The following NRP1 variants were observed in gnomAD, a reference collection of about 807,000 sequenced individuals.
The protein encoded by NRP1 is neuropilin 1.
A neutral mutation model predicts 106.7 loss-of-function variants in NRP1; 35 were observed. The observed-to-expected ratio is 0.33, with a 90% confidence interval of 0.25 to 0.43. The LOEUF (loss-of-function observed/expected upper bound fraction) is 0.43. Among genes scored for constraint, NRP1 ranks in the 20% least tolerant of loss-of-function variants. The pLI is 1.00. For synonymous variants in NRP1, 437 were observed against 417.9 expected (o/e 1.05, Z -0.56); for missense variants, 1,024 against 1,170.4 (o/e 0.87, Z 1.83).
At position 33,270,847 on chromosome 10, in the gene NRP1, G is replaced by A. The variant is rs201588926; in HGVS notation, c.258C>T (p.Tyr86=). ...DLEDRDCKYD[Y]VEVFDGENEN... Reference sequence around the variant, plus strand: ...CATTTTCTCCATCGAAGACTTCCACGTAGTCATACCTAATACACAAACATG... The same window carrying A: ...CATTTTCTCCATCGAAGACTTCCACATAGTCATACCTAATACACAAACATG... The change falls in exon 3 of 17, where the codon TAC becomes TAT. Residue 86 remains tyrosine, a synonymous_variant. Coordinates refer to ENST00000374867, the MANE Select transcript of NRP1 (RefSeq NM_003873.7). The A allele has an allele frequency of 1.0e-4, 166 of 1,609,852 alleles. No individual in the cohort carries two copies. The highest frequency in any genetic ancestry group is 1.3e-4 in the Non-Finnish European group (155 of 1,178,014).
intron 2 of NRP1, among the ~76,000 whole-genome samples, chr10:33,272,258 C>G (rs1843360116): frequency 6.6e-6 from 1 of 152,164 alleles, no homozygotes; most frequent in Non-Finnish European, 1.5e-5. Context: ...TGTGTGCCAG[C>G]TTTGTGTATA....
intron 15 of NRP1, among the ~76,000 whole-genome samples, chr10:33,183,976 A>C (rs1031027024): frequency 6.6e-6 from 1 of 152,038 alleles, no homozygotes. Flanking sequence ...TGTCTCAACT[A>C]TGTGCTTTCT....
intron 7 of NRP1, among the ~76,000 whole-genome samples, chr10:33,222,865 TGCATGCCAG>T (rs1206512510): frequency 6.6e-5 from 10 of 152,220 alleles, no homozygotes; most frequent in African/African-American, 2.4e-4. Flanking sequence ...GCAAATGTAA[TGCATGCCAG>T]GCATGAATGG....
chr10:33,186,128 A>T (rs1344631454), intron 14 of NRP1, 89 bp downstream of exon 14: 2 of 1,460,158 alleles, frequency 1.4e-6, no homozygotes, highest in East Asian at 4.6e-5. Flanking sequence ...TTTCGGAATA[A>T]TTCCCATGTC....
At chr10:33,201,014 ACT>A (rs2132688844) in intron 11 of NRP1, 1 of 152,218 alleles carries the variant, frequency 6.6e-6, no homozygotes, top group East Asian at 1.9e-4. Flanking sequence ...TCTGGGAATA[ACT>A]CTTTTTTTCA....
chr10:33,270,956 A>G, intron 2 of NRP1, 100 bp from the exon 3 acceptor site: 2 of 1,058,106 alleles, frequency 1.9e-6, no homozygotes, highest in Non-Finnish European at 2.6e-6. Flanking sequence ...TGTGCCAGGA[A>G]GAAAAAAAAG....
rs766252120 is a variant in NRP1 at position 33,197,634 on chromosome 10, G to A, written c.1924+16C>T. 6 of 1,586,938 alleles carry A rather than the reference G, an allele frequency of 3.8e-6. No homozygotes were observed. The highest frequency in any genetic ancestry group is 4.3e-6 in the Non-Finnish European group (5 of 1,164,380). On this transcript the variant is annotated intron_variant, in intron 12 of 16. Transcript: ENST00000374867. ...AGGTACATGGAATCTGTCACATTTC[G>A]TATTTTATTTGATACCTGATTGTAT...
chr10:33,296,875 A>T (rs1845425627), intron 2 of NRP1, among the ~76,000 whole-genome samples: 1 of 152,094 alleles, frequency 6.6e-6, no homozygotes, highest in African/African-American at 2.4e-5. Context: ...CTAAAAATAC[A>T]AAAATTAGCC....
At chr10:33,240,262 TAGG>T in intron 6 of NRP1, among the ~76,000 whole-genome samples, 1 of 152,312 alleles carries the variant, frequency 6.6e-6, no homozygotes, top group African/African-American at 2.4e-5. Context: ...CCTAAAAGAC[TAGG>T]AAAGTATTAA....
At chr10:33,323,574 T>C (rs1847679810) in intron 2 of NRP1, among the ~76,000 whole-genome samples, 1 of 152,040 alleles carries the variant, frequency 6.6e-6, no homozygotes, top group Non-Finnish European at 1.5e-5. Context: ...AGATACCAGA[T>C]ACAGGCCAAT....
intron 2 of NRP1, among the ~76,000 whole-genome samples, chr10:33,295,358 G>C (rs1370387688): frequency 6.6e-6 from 1 of 152,188 alleles, no homozygotes; most frequent in Non-Finnish European, 1.5e-5. Flanking sequence ...ATAAGCAACA[G>C]TTCATTCGTG....
rs762780832 is a variant in NRP1 at position 33,330,738 on chromosome 10, G to A, written c.218C>T (p.Pro73Leu). Residue 73 changes from proline (P) to leucine (L), a missense_variant, in exon 2 of 17, where the codon CCT (proline) becomes CTT (leucine). By Grantham distance (98) the Pro-to-Leu change is moderately conservative (BLOSUM62 -3). This residue lies in a region of NRP1 where 279 missense variants were observed against 327.4 expected (regional missense o/e 0.85). Coordinates refer to ENST00000374867, the MANE Select transcript of NRP1 (RefSeq NM_003873.7). ...PYQRIMINFN[P>L]HFDLEDRDCK... ...GTCTCTGTCCTCCAAATCGAAGTGAGGGTTGAAGTTGATCATAATTCTCTG... is the reference window on the plus strand; with the variant it reads ...GTCTCTGTCCTCCAAATCGAAGTGAAGGTTGAAGTTGATCATAATTCTCTG... 6.2e-7 allele frequency: 1 copy of A among 1,613,424 alleles called. No homozygotes were observed. The highest frequency in any genetic ancestry group is 1.1e-5 in the South Asian group (1 of 90,958).
chr10:33,193,383 C>A (rs560319146), intron 12 of NRP1, among the ~76,000 whole-genome samples: 20 of 152,286 alleles, frequency 1.3e-4, no homozygotes, highest in African/African-American at 3.6e-4. Flanking sequence ...CATAAGCTAA[C>A]AATAAAAAAA....
In NRP1 at chr10:33,255,927, C is replaced by T. The variant is rs539050043; in HGVS notation, c.814+389G>A. On this transcript the variant is annotated intron_variant, in intron 5 of 16. Coordinates refer to ENST00000374867, the MANE Select transcript of NRP1 (RefSeq NM_003873.7). ...GTGCATTTCCCATACTTCGTGACTG[C>T]TCTGTCGGTGAACTACTTTAGATTT... is the stretch of plus-strand genomic sequence containing the variant. Among the ~76,000 whole-genome samples, 8 of 152,302 alleles carry T rather than the reference C, an allele frequency of 5.3e-5. No homozygotes were observed. The South Asian group carries it at 1.7e-3, about 32-fold the overall frequency.
Position 33,334,553 on chromosome 10 carries a change from G to A in NRP1, c.-171C>T, listed in dbSNP as rs1848507056. 7.3e-6 allele frequency: 4 copies of A among 548,518 alleles called. No homozygotes were observed. The highest frequency in any genetic ancestry group is 2.5e-5 in the South Asian group (1 of 40,418). The allele number at this position is 548,518 out of a possible 1,614,324, so 34.0% of individuals were successfully genotyped here. A position where few individuals can be genotyped will look rare whatever the true frequency, so the allele number is the denominator to read the frequency against. ...AGCGAGGCAATGCCTGGATCCGAGA[G>A]GAACGCTTCTCTTTTTGTGTCTCAA... is the stretch of plus-strand genomic sequence containing the variant. On this transcript the variant is annotated 5_prime_UTR_variant, in exon 1 of 17. Transcript: ENST00000374867.
intron 2 of NRP1, among the ~76,000 whole-genome samples, chr10:33,299,708 C>T (rs553960877): frequency 5.9e-5 from 9 of 152,254 alleles, no homozygotes; most frequent in Non-Finnish European, 1.2e-4. Context: ...CTCCCTTGAG[C>T]CCAGGAGTTT....
At position 33,270,957 on chromosome 10, in the gene NRP1, G is replaced by C. The variant is rs549740863; in HGVS notation, c.249-101C>G. 1.8e-5 allele frequency: 18 copies of C among 1,018,354 alleles called. No individual in the cohort carries two copies. The South Asian group carries it at 2.9e-4, about 17-fold the overall frequency. 63.1% of individuals were successfully genotyped at this position (1,018,354 alleles called of 1,614,324 possible). A position where few individuals can be genotyped will look rare whatever the true frequency, so the allele number is the denominator to read the frequency against. ...ATCATCCAGCATAGTGTGCCAGGAAGAAAAAAAAGTTCTATCTGCATTCAT... is the reference window on the plus strand; with the variant it reads ...ATCATCCAGCATAGTGTGCCAGGAACAAAAAAAAGTTCTATCTGCATTCAT... On this transcript the variant is annotated intron_variant, in intron 2 of 16. Transcript: ENST00000374867.
chr10:33,265,943 T>C (rs1047657367), intron 3 of NRP1, among the ~76,000 whole-genome samples: 4 of 152,150 alleles, frequency 2.6e-5, no homozygotes, highest in Non-Finnish European at 5.9e-5. Context: ...AAAATATATA[T>C]ATACATACAT....
intron 1 of NRP1, among the ~76,000 whole-genome samples, chr10:33,333,904 C>T (rs557345772): frequency 1.3e-5 from 2 of 152,246 alleles, no homozygotes; most frequent in East Asian, 3.9e-4. Context: ...CTTAGGGGAG[C>T]AGCAAAGGAA....
Sources: gnomAD v4.1 joint callset for allele counts (sites outside exome capture counted in the v4.1 genomes callset) on GRCh38, gnomAD v4.1.1 for gene constraint, gnomAD v4.1.1 regional missense constraint, MANE v1.5 for transcripts, NCBI Gene and HGNC (gene_info 2026-07-23, HGNC 2026-07-21) for gene names.